Variants in SPATA17 observed in about 807,000 individuals in gnomAD.
The protein encoded by SPATA17 is spermatogenesis-associated protein 17.
A neutral mutation model predicts 62.2 loss-of-function variants in SPATA17; 53 were observed. That is an observed-to-expected ratio of 0.85 (90% CI 0.68 to 1.07). The LOEUF (loss-of-function observed/expected upper bound fraction) is 1.07. Ranked by LOEUF, SPATA17 falls within the 50% of genes least tolerant of loss-of-function variation. The probability of loss-of-function intolerance (pLI) is 0.00; values close to 1 mark genes in which losing one functional copy is unlikely to be tolerated. For synonymous variants in SPATA17, 146 were observed against 146.8 expected, an observed-to-expected ratio of 0.99 and a Z score of 0.04; for missense variants, 466 against 425.5, an observed-to-expected ratio of 1.10 and a Z score of -0.84.
At chr1:217,769,552 A>C (rs890320048) in intron 6 of SPATA17, among the ~76,000 whole-genome samples, 7 of 152,234 alleles carry the variant, frequency 4.6e-5, no homozygotes, top group African/African-American at 1.7e-4. Context: ...AAGAGCTCCA[A>C]ATGATCTCTT....
chr1:217,638,385 T>C (rs958528395), intron 1 of SPATA17, among the ~76,000 whole-genome samples: 1 of 152,142 alleles, frequency 6.6e-6, no homozygotes, highest in African/African-American at 2.4e-5. Flanking sequence ...TGGAATACAA[T>C]AGAGATGGTT....
At chr1:217,668,491 A>G (rs1380763020) in intron 3 of SPATA17, among the ~76,000 whole-genome samples, 1 of 152,172 alleles carries the variant, frequency 6.6e-6, no homozygotes, top group Non-Finnish European at 1.5e-5. Flanking sequence ...AAAATTCCCA[A>G]GGATTACTCA....
chr1:217,802,834 A>T (rs1674345698), intron 9 of SPATA17, among the ~76,000 whole-genome samples: 1 of 152,206 alleles, frequency 6.6e-6, no homozygotes, highest in South Asian at 2.1e-4. Context: ...CAAAAGCCAC[A>T]AGAATCTTAA....
chr1:217,731,436 A>T (rs1472428336), intron 5 of SPATA17, among the ~76,000 whole-genome samples: 1 of 152,182 alleles, frequency 6.6e-6, no homozygotes, highest in Non-Finnish European at 1.5e-5. Flanking sequence ...TGGTAAATTG[A>T]ACCATTCTTC....
rs1043771244 is a variant in SPATA17, at chr1:217,870,380, C to T, written c.*3361C>T. On this transcript the variant is annotated 3_prime_UTR_variant, in exon 11 of 11. Transcript: ENST00000366933. ...GTCCTTAACCACCATCTGCCTCTCC[C>T]CCCAGACACACATAAGTTTATGATA... 1 of 152,116 alleles carries T rather than the reference C, an allele frequency of 6.6e-6. No individual in the cohort carries two copies. The highest frequency in any genetic ancestry group is 1.5e-5 in the Non-Finnish European group (1 of 68,040). The allele number at this position is 152,116 out of a possible 1,614,324, so 9.4% of individuals were successfully genotyped here.
intron 5 of SPATA17, among the ~76,000 whole-genome samples, chr1:217,727,247 C>CAAAAATAATAATAAT (rs370247140): frequency 7.5e-6 from 1 of 132,776 alleles, no homozygotes; most frequent in African/African-American, 3.2e-5. Context: ...AACTCCGTCT[C>CAAAAATAATAATAAT]AATAATAATA....
At chr1:217,717,372 G>C (rs1205724354) in intron 5 of SPATA17, among the ~76,000 whole-genome samples, 5 of 152,134 alleles carry the variant, frequency 3.3e-5, no homozygotes, top group Non-Finnish European at 7.4e-5. Context: ...CACTTTGGAA[G>C]GCTGAAAGAG....
In SPATA17 at chr1:217,744,804, G is replaced by A. The variant is rs183957833; in HGVS notation, c.519+2706G>A. ...CTCTCCCACTAAGGGTAATATATTA[G>A]GAGATTACCTTCAGTTTTCTAAGCC... On this transcript the variant is annotated intron_variant, in intron 6 of 10. Coordinates refer to ENST00000366933, the MANE Select transcript of SPATA17 (RefSeq NM_138796.4). 1.4e-3 allele frequency among the ~76,000 whole-genome samples: 214 copies of A among 152,220 alleles called. 1 individual carries two copies. Among genetic ancestry groups the A allele is most frequent in the African/African-American group, 4.9e-3 (204 of 41,542 alleles).
At chr1:217,799,710 TCTA>T (rs1314434195) in intron 8 of SPATA17, among the ~76,000 whole-genome samples, 2 of 151,962 alleles carry the variant, frequency 1.3e-5, no homozygotes, top group Admixed American at 6.6e-5. Flanking sequence ...ATGAAAGAAT[TCTA>T]CTTTTTCTAA....
intron 9 of SPATA17, among the ~76,000 whole-genome samples, chr1:217,856,452 G>A (rs1025467177): frequency 2.0e-5 from 3 of 152,312 alleles, no homozygotes; most frequent in East Asian, 3.9e-4. Context: ...CTCCAAAGCA[G>A]TATTGCCTCT....
chr1:217,748,286 G>C (rs1195502149), intron 6 of SPATA17, among the ~76,000 whole-genome samples: 18 of 139,962 alleles, frequency 1.3e-4, no homozygotes, highest in African/African-American at 4.5e-4. Context: ...CTGGGCAACA[G>C]AGCGAGACTC....
intron 6 of SPATA17, among the ~76,000 whole-genome samples, chr1:217,761,508 C>G (rs1171243797): frequency 6.6e-6 from 1 of 152,074 alleles, no homozygotes; most frequent in Non-Finnish European, 1.5e-5. Flanking sequence ...CAACATTTAT[C>G]AGAATTACCT....
chr1:217,782,657 G>A (rs572634472), intron 8 of SPATA17, among the ~76,000 whole-genome samples: 10 of 152,186 alleles, frequency 6.6e-5, no homozygotes, highest in African/African-American at 2.4e-4. Context: ...GATCCAGTAA[G>A]ATGGAAGAAA....
At chr1:217,858,522 T>C (rs189734240) in intron 9 of SPATA17, among the ~76,000 whole-genome samples, 27 of 152,320 alleles carry the variant, frequency 1.8e-4, no homozygotes, top group Non-Finnish European at 3.1e-4. Context: ...AAAATAGATA[T>C]CATTTCTTCC....
chr1:217,660,593 C>T (rs1420385344), intron 3 of SPATA17, among the ~76,000 whole-genome samples: 1 of 152,178 alleles, frequency 6.6e-6, no homozygotes, highest in Non-Finnish European at 1.5e-5. Context: ...TGGGGCTTGT[C>T]TATGTGTTGT....
chr1:217,696,451 T>A (rs556396201), intron 5 of SPATA17, among the ~76,000 whole-genome samples: 1 of 152,332 alleles, frequency 6.6e-6, no homozygotes, highest in East Asian at 1.9e-4. Flanking sequence ...ATCACCCGTC[T>A]TCTGCGTCGC....
chr1:217,827,974 C>T (rs1399034531), intron 9 of SPATA17, among the ~76,000 whole-genome samples: 1 of 152,060 alleles, frequency 6.6e-6, no homozygotes, highest in African/African-American at 2.4e-5. Flanking sequence ...TGCAGCAAAC[C>T]ACAGGGCACA....
At chr1:217,746,077 G>A (rs150443398) in intron 6 of SPATA17, among the ~76,000 whole-genome samples, 3,646 of 151,976 alleles carry the variant, frequency 0.024, 58 homozygotes, top group Middle Eastern at 0.045. Context: ...CTTGTTTTAA[G>A]ATTAATTTCA....
intron 9 of SPATA17, among the ~76,000 whole-genome samples, chr1:217,821,550 G>A (rs923977502): frequency 6.6e-6 from 1 of 152,000 alleles, no homozygotes; most frequent in Non-Finnish European, 1.5e-5. Context: ...ATGACAATAT[G>A]GGAGACTAGA....
Sources: gnomAD v4.1 joint callset for allele counts (sites outside exome capture counted in the v4.1 genomes callset) on GRCh38, gnomAD v4.1.1 for gene constraint, MANE v1.5 for transcripts, NCBI Gene and HGNC (gene_info 2026-07-23, HGNC 2026-07-21) for gene names.